Variants in UVRAG observed in about 807,000 individuals in gnomAD.
UVRAG encodes UV radiation resistance associated.
UVRAG carries 19 observed loss-of-function variants against 78.0 expected under a neutral mutation model. The ratio of observed to expected loss-of-function variants is 0.24; its 90% confidence interval spans 0.17 to 0.36. The LOEUF is 0.36. Ranked by LOEUF, UVRAG falls within the 10% of genes least tolerant of loss-of-function variation. The pLI is 1.00. For missense variants in UVRAG, 740 were observed against 853.8 expected (o/e 0.87, Z 1.66); for synonymous variants, 323 against 324.6 (o/e 1.00, Z 0.05).
chr11:75,902,853 C>G (rs1259315763), intron 5 of UVRAG, among the ~76,000 whole-genome samples: 2 of 152,158 alleles, frequency 1.3e-5, no homozygotes, highest in East Asian at 1.9e-4. Flanking sequence ...CCTATAGACT[C>G]TAGTCTCTTT....
intron 12 of UVRAG, among the ~76,000 whole-genome samples, chr11:76,038,591 C>A (rs1950583511): frequency 6.6e-6 from 1 of 152,174 alleles, no homozygotes; most frequent in Non-Finnish European, 1.5e-5. Context: ...CAATCCTCCA[C>A]AGATACTGAG....
chr11:75,834,397 C>T (rs921595838), intron 1 of UVRAG, among the ~76,000 whole-genome samples: 2 of 152,050 alleles, frequency 1.3e-5, no homozygotes, highest in African/African-American at 4.8e-5. Flanking sequence ...GTTCATTTGT[C>T]CCTCATTGGT....
At chr11:75,944,595 AG>A (rs1948554297) in intron 6 of UVRAG, among the ~76,000 whole-genome samples, 1 of 152,190 alleles carries the variant, frequency 6.6e-6, no homozygotes, top group Admixed American at 6.6e-5. Flanking sequence ...CTGGGTATAC[AG>A]TGGTGATCAA....
intron 5 of UVRAG, among the ~76,000 whole-genome samples, chr11:75,896,688 G>A (rs544110564): frequency 6.6e-6 from 1 of 152,300 alleles, no homozygotes; most frequent in East Asian, 1.9e-4. Flanking sequence ...AGTGAATGAA[G>A]GTGAATGCTT....
At chr11:75,893,670 C>G (rs1485255963) in intron 5 of UVRAG, among the ~76,000 whole-genome samples, 16 of 60,392 alleles carry the variant, frequency 2.6e-4, no homozygotes, top group Non-Finnish European at 6.6e-5. Flanking sequence ...CTATCTCTAC[C>G]AAAAAAAAAA....
chr11:76,102,912 C>T lies in UVRAG; in HGVS notation c.1306-13012C>T, dbSNP rs532793312. Reference sequence around the variant, plus strand: ...ACAAGGCCAGAATCAACGTGTTGGCCAGGCTGAGCTCTTATCTGGAGTTTC... The same window carrying T: ...ACAAGGCCAGAATCAACGTGTTGGCTAGGCTGAGCTCTTATCTGGAGTTTC... On this transcript the variant is annotated intron_variant, in intron 13 of 14. Transcript: ENST00000356136. Among the ~76,000 whole-genome samples the T allele has an allele frequency of 3.3e-5, 5 of 152,268 alleles. No homozygotes were observed. In the South Asian group the frequency reaches 1.0e-3, roughly 32 times the overall value.
intron 7 of UVRAG, among the ~76,000 whole-genome samples, chr11:75,978,522 G>A (rs1044391163): frequency 2.6e-5 from 4 of 152,054 alleles, no homozygotes; most frequent in Admixed American, 2.6e-4. Flanking sequence ...ACATAGATTT[G>A]GTCTTTTCAC....
chr11:76,138,039 G>A (rs546225212), intron 14 of UVRAG, among the ~76,000 whole-genome samples: 1 of 152,300 alleles, frequency 6.6e-6, no homozygotes, highest in African/African-American at 2.4e-5. Context: ...GGAGAAGAAT[G>A]TCACAAAATC....
intron 13 of UVRAG, among the ~76,000 whole-genome samples, chr11:76,073,300 T>C (rs1951348310): frequency 6.6e-6 from 1 of 152,188 alleles, no homozygotes; most frequent in African/African-American, 2.4e-5. Context: ...AACTACCTTC[T>C]TTTTTAAAAG....
chr11:76,005,550 A>G (rs1949919129), intron 9 of UVRAG, among the ~76,000 whole-genome samples: 1 of 152,140 alleles, frequency 6.6e-6, no homozygotes, highest in Admixed American at 6.5e-5. Flanking sequence ...ACTCAATACA[A>G]CACTTTTAAC....
intron 14 of UVRAG, among the ~76,000 whole-genome samples, chr11:76,126,004 C>T (rs1213959878): frequency 6.8e-6 from 1 of 147,008 alleles, no homozygotes; most frequent in Non-Finnish European, 1.5e-5. Flanking sequence ...GGCTGGAGTG[C>T]AGTGGTGCGA....
At chr11:75,874,523 A>G (rs1320341153) in intron 3 of UVRAG, among the ~76,000 whole-genome samples, 2 of 152,214 alleles carry the variant, frequency 1.3e-5, no homozygotes, top group Non-Finnish European at 2.9e-5. Context: ...TTGATGAAAT[A>G]TGGTATTTCG....
chr11:76,055,796 G>A (rs538593648), intron 12 of UVRAG, among the ~76,000 whole-genome samples: 1 of 151,900 alleles, frequency 6.6e-6, no homozygotes, highest in East Asian at 1.9e-4. Flanking sequence ...TGCAAGCTCC[G>A]CCTCCCAGGT....
chr11:76,111,852 T>C (rs992144522), intron 13 of UVRAG, among the ~76,000 whole-genome samples: 1 of 144,730 alleles, frequency 6.9e-6, no homozygotes, highest in Non-Finnish European at 1.5e-5. Context: ...GTCTCACCTG[T>C]AAAGATAAAC....
intron 13 of UVRAG, among the ~76,000 whole-genome samples, chr11:76,086,927 A>G (rs1431247484): frequency 2.6e-5 from 4 of 152,216 alleles, no homozygotes; most frequent in Non-Finnish European, 5.9e-5. Context: ...GTTTATAGCA[A>G]GAAATAGCAT....
intron 7 of UVRAG, among the ~76,000 whole-genome samples, chr11:75,962,142 C>CTT (rs904720756): frequency 6.7e-6 from 1 of 148,428 alleles, no homozygotes; most frequent in African/African-American, 2.5e-5. Context: ...ATAAATTGAG[C>CTT]TTTTTTTTTT....
intron 3 of UVRAG, among the ~76,000 whole-genome samples, chr11:75,869,958 TA>T (rs1946615978): frequency 6.6e-6 from 1 of 152,214 alleles, no homozygotes; most frequent in Non-Finnish European, 1.5e-5. Flanking sequence ...TTTCAGAGCT[TA>T]TAAATATCCT....
At chr11:76,072,998 T>TGGCCACTTAGAACAAATCAAGGC (rs1951342882) in intron 13 of UVRAG, among the ~76,000 whole-genome samples, 1 of 152,210 alleles carries the variant, frequency 6.6e-6, no homozygotes, top group Non-Finnish European at 1.5e-5. Context: ...CTAAAATTGC[T>TGGCCACTTAGAACAAATCAAGGC]GGCCACTTAG....
At chr11:75,903,674 C>T (rs908022071) in intron 5 of UVRAG, among the ~76,000 whole-genome samples, 4 of 152,174 alleles carry the variant, frequency 2.6e-5, no homozygotes, top group African/African-American at 9.7e-5. Context: ...AGCAGAACTC[C>T]TGTAGCTTTT....
Sources: gnomAD v4.1 joint callset for allele counts (sites outside exome capture counted in the v4.1 genomes callset) on GRCh38, gnomAD v4.1.1 for gene constraint, MANE v1.5 for transcripts, NCBI Gene and HGNC (gene_info 2026-07-23, HGNC 2026-07-21) for gene names.